The following SV2C variants were observed in gnomAD, a reference collection of about 807,000 sequenced individuals.
The protein encoded by SV2C is solute carrier family 22 member B3.
SV2C carries 49 observed loss-of-function variants against 79.7 expected under a neutral mutation model. The ratio of observed to expected loss-of-function variants is 0.61; its 90% CI spans 0.49 to 0.78. SV2C has a LOEUF of 0.78. Ranked by LOEUF, SV2C falls within the 30% of genes least tolerant of loss-of-function variation. The pLI is 0.00. For missense variants in SV2C, 833 were observed against 912.9 expected (o/e 0.91, Z 1.13); for synonymous variants, 334 against 333.2 (o/e 1.00, Z -0.03).
the SV2C span, among the ~76,000 whole-genome samples, chr5:75,929,519 A>C: frequency 3.3e-5 from 5 of 152,202 alleles, no homozygotes; most frequent in African/African-American, 1.2e-4. Flanking sequence ...AAACAGTGGT[A>C]CATTATAAAG....
chr5:76,055,874 T>C, the SV2C span, among the ~76,000 whole-genome samples: 2 of 152,208 alleles, frequency 1.3e-5, no homozygotes, highest in Non-Finnish European at 1.5e-5. Context: ...CTGAAGTTGC[T>C]TATCAGCTTA....
In SV2C at chr5:76,273,557, G is replaced by T. The variant is rs113409827; in HGVS notation, c.914-11605G>T. Among the ~76,000 whole-genome samples the T allele has an allele frequency of 5.7e-3, 875 of 152,274 alleles. 9 individuals carry two copies. Among genetic ancestry groups the T allele is most frequent in the African/African-American group, 0.02 (831 of 41,554 alleles). ...CACCAGAAAATGTGCTTCTTCGAAA[G>T]CACGGTTAGGGTCATAAGTCAAATT... On this transcript the variant is annotated intron_variant, in intron 4 of 12. Transcript: ENST00000502798.
chr5:76,283,792 A>G (rs1032193861), intron 4 of SV2C, among the ~76,000 whole-genome samples: 4 of 152,216 alleles, frequency 2.6e-5, no homozygotes, highest in African/African-American at 9.7e-5. Flanking sequence ...AGCATTTAAG[A>G]ATGAGTAAGC....
intron 12 of SV2C, among the ~76,000 whole-genome samples, chr5:76,320,854 G>A (rs1748803599): frequency 1.3e-5 from 2 of 152,190 alleles, no homozygotes; most frequent in Non-Finnish European, 2.9e-5. Flanking sequence ...GTTTCTTTCA[G>A]TCAGAGATTC....
At chr5:75,883,311 T>C in the SV2C span, among the ~76,000 whole-genome samples, 1 of 143,226 alleles carries the variant, frequency 7.0e-6, no homozygotes. Flanking sequence ...GAACTAGAAA[T>C]ACCATTTGAC....
chr5:76,282,762 C>A (rs1198560831), intron 4 of SV2C, among the ~76,000 whole-genome samples: 2 of 152,166 alleles, frequency 1.3e-5, no homozygotes, highest in African/African-American at 2.4e-5. Context: ...GTAATCCCAG[C>A]ACTTTGGGAG....
At chr5:76,213,870 C>T (rs970387155) in intron 4 of SV2C, among the ~76,000 whole-genome samples, 3 of 152,076 alleles carry the variant, frequency 2.0e-5, no homozygotes, top group African/African-American at 7.2e-5. Context: ...CCAACATCTC[C>T]CCCCATCCCT....
At chr5:76,206,833 A>G (rs968800843) in intron 3 of SV2C, among the ~76,000 whole-genome samples, 1 of 152,248 alleles carries the variant, frequency 6.6e-6, no homozygotes, top group African/African-American at 2.4e-5. Flanking sequence ...CCCAAAATAT[A>G]TCATCAGCCC....
At chr5:76,281,261 G>A in intron 4 of SV2C, 1 of 512,106 alleles carries the variant, frequency 2.0e-6, no homozygotes. Flanking sequence ...TGATGAAGAT[G>A]ACGATTATTG....
chr5:75,901,532 AG>A, the SV2C span, among the ~76,000 whole-genome samples: 1 of 152,332 alleles, frequency 6.6e-6, no homozygotes, highest in Admixed American at 6.5e-5. Flanking sequence ...CTCAGGGGTC[AG>A]GGGTCAGGGA....
intron 2 of SV2C, chr5:76,174,268 C>T (rs541581283): frequency 4.9e-5 from 68 of 1,386,338 alleles, no homozygotes; most frequent in South Asian, 1.1e-4. Context: ...CCGTGCTCCC[C>T]GCGGGTCGCT....
chr5:76,344,937 A>G (rs1388021769), intron 12 of SV2C, among the ~76,000 whole-genome samples: 1 of 152,220 alleles, frequency 6.6e-6, no homozygotes. Context: ...ATGCACAGCT[A>G]GTCAGTGACA....
chr5:75,880,651 C>G, the SV2C span, among the ~76,000 whole-genome samples: 1 of 152,166 alleles, frequency 6.6e-6, no homozygotes, highest in Non-Finnish European at 1.5e-5. Flanking sequence ...GCATTTTGGT[C>G]AAAACCACTT....
In SV2C at chr5:76,096,688, A is replaced by G. The variant is rs192015133; in HGVS notation, c.-102+13176A>G. Among the ~76,000 whole-genome samples the G allele has an allele frequency of 1.2e-3, 189 of 152,280 alleles. 2 individuals carry two copies. Among genetic ancestry groups the G allele is most frequent in the Admixed American group, 3.7e-3 (57 of 15,286 alleles). On this transcript the variant is annotated intron_variant, in intron 1 of 12. Transcript: ENST00000502798. ...ATGGGGTGCCCAGATATTTGGTTAA[A>G]CATTATTTCTGGGTTTGTCTGTGAG... is the stretch of plus-strand genomic sequence containing the variant.
chr5:76,074,948 G>T, the SV2C span, among the ~76,000 whole-genome samples: 1 of 152,200 alleles, frequency 6.6e-6, no homozygotes, highest in East Asian at 1.9e-4. Context: ...TCTACTGTGT[G>T]CCAGGTGCTC....
At chr5:76,075,720 C>T in the SV2C span, 2 of 358,378 alleles carry the variant, frequency 5.6e-6, no homozygotes, top group Admixed American at 3.5e-5. Flanking sequence ...GAAAGAAGGG[C>T]ACAAACTTCA....
At chr5:75,848,612 A>G in the SV2C span, among the ~76,000 whole-genome samples, 2 of 152,238 alleles carry the variant, frequency 1.3e-5, no homozygotes, top group Non-Finnish European at 2.9e-5. Context: ...ACTTTGGGTT[A>G]TATGAATAAA....
At chr5:76,294,649 T>C (rs138588114) in intron 8 of SV2C, among the ~76,000 whole-genome samples, 313 of 152,316 alleles carry the variant, frequency 2.1e-3, no homozygotes, top group African/African-American at 7.2e-3. Flanking sequence ...CTTCTTTTTT[T>C]CCGTAAGTCT....
In SV2C at chr5:76,285,526, A is replaced by G. The variant is rs148282224; in HGVS notation, c.1047+231A>G. On this transcript the variant is annotated intron_variant, in intron 5 of 12. Transcript: ENST00000502798. ...CTCCTTAAACAAATAACTTGGCTCA[A>G]TGAAGAAAACATGATTTATTGTTTT... 591 of 650,072 alleles carry G rather than the reference A, an allele frequency of 9.1e-4. 2 individuals are homozygous for G. The highest frequency in any genetic ancestry group is 9.0e-3 in the African/African-American group (494 of 55,062). The allele number at this position is 650,072 out of a possible 1,614,324, so 40.3% of individuals were successfully genotyped here. A position where few individuals can be genotyped will look rare whatever the true frequency, so the allele number is the denominator to read the frequency against.
Sources: gnomAD v4.1 joint callset for allele counts (sites outside exome capture counted in the v4.1 genomes callset) on GRCh38, gnomAD v4.1.1 for gene constraint, MANE v1.5 for transcripts, NCBI Gene and HGNC (gene_info 2026-07-23, HGNC 2026-07-21) for gene names.